Variants in LHFPL6 observed in about 807,000 individuals in gnomAD.
LHFPL6 encodes LHFPL tetraspan subfamily member 6.
A neutral mutation model predicts 20.6 loss-of-function variants in LHFPL6; 9 were observed. That is an observed-to-expected ratio of 0.44 (90% CI 0.26 to 0.76). The LOEUF is 0.76. LHFPL6 is among the 30% of genes least tolerant of loss of function. LHFPL6 has a pLI of 0.20. For missense variants in LHFPL6, 218 were observed against 253.5 expected, an observed-to-expected ratio of 0.86 and a Z score of 0.95; for synonymous variants, 105 against 98.7, an observed-to-expected ratio of 1.06 and a Z score of -0.38.
At chr13:39,461,959 G>C (rs904156028) in intron 2 of LHFPL6, among the ~76,000 whole-genome samples, 1 of 143,212 alleles carries the variant, frequency 7.0e-6, no homozygotes, top group African/African-American at 2.8e-5. Flanking sequence ...AAGTAGACTA[G>C]GATTCACTTT....
chr13:39,451,269 C>A (rs1187299981), intron 2 of LHFPL6, among the ~76,000 whole-genome samples: 1 of 152,072 alleles, frequency 6.6e-6, no homozygotes, highest in Non-Finnish European at 1.5e-5. Flanking sequence ...CTGTTAAAAA[C>A]AAGAAAACCT....
intron 2 of LHFPL6, among the ~76,000 whole-genome samples, chr13:39,419,688 T>A (rs1385414165): frequency 6.6e-6 from 1 of 152,166 alleles, no homozygotes; most frequent in East Asian, 1.9e-4. Flanking sequence ...GATGAAGAAA[T>A]TTTTTTAAAA....
At chr13:39,600,264 G>A (rs1331642635) in intron 2 of LHFPL6, among the ~76,000 whole-genome samples, 1 of 152,178 alleles carries the variant, frequency 6.6e-6, no homozygotes, top group South Asian at 2.1e-4. Flanking sequence ...TAAGTGGATA[G>A]CTATCTCTGT....
chr13:39,511,293 T>C (rs1185207968), intron 2 of LHFPL6, among the ~76,000 whole-genome samples: 4 of 152,212 alleles, frequency 2.6e-5, no homozygotes, highest in Admixed American at 1.3e-4. Flanking sequence ...TCAAATTTGT[T>C]TATTTCTTAA....
In LHFPL6 at chr13:39,448,437, G is replaced by A. The variant is rs1369708080; in HGVS notation, c.386-69911C>T. ...GGATTCTTTAAAGAGGCGGGAACAA[G>A]GTTATCTAAAGAATCTAGCACATTG... On this transcript the variant is annotated intron_variant, in intron 2 of 3. Transcript: ENST00000379589. Among the ~76,000 whole-genome samples, 3 of 152,108 alleles carry A rather than the reference G, an allele frequency of 2.0e-5. No homozygotes were observed. The East Asian group carries it at 5.8e-4, about 29-fold the overall frequency.
At chr13:39,527,825 C>T (rs1870343318) in intron 2 of LHFPL6, among the ~76,000 whole-genome samples, 1 of 152,160 alleles carries the variant, frequency 6.6e-6, no homozygotes, top group South Asian at 2.1e-4. Context: ...AACTTTTCTG[C>T]ATATGCCAGG....
At chr13:39,422,586 CAAA>C (rs11311637) in intron 2 of LHFPL6, among the ~76,000 whole-genome samples, 6 of 118,800 alleles carry the variant, frequency 5.1e-5, no homozygotes, top group African/African-American at 1.0e-4. Flanking sequence ...AACTCCAACT[CAAA>C]AAAAAAAAAA....
chr13:39,473,680 T>C (rs988399207), intron 2 of LHFPL6, among the ~76,000 whole-genome samples: 1 of 152,294 alleles, frequency 6.6e-6, no homozygotes, highest in East Asian at 1.9e-4. Context: ...CCTACCTGAG[T>C]CACTTTATGT....
chr13:39,455,232 C>T (rs936207258), intron 2 of LHFPL6, among the ~76,000 whole-genome samples: 9 of 152,180 alleles, frequency 5.9e-5, no homozygotes, highest in African/African-American at 2.2e-4. Context: ...ATGTTCTGGG[C>T]GCCCAGAGCA....
At position 39,369,606 on chromosome 13, in the gene LHFPL6, T is replaced by TCCCTCCTTCCTTCCTTCCTTCCTTCCTTC. The variant is rs1566095692; in HGVS notation, c.484+8821_484+8822insGAAGGAAGGAAGGAAGGAAGGAAGGAGGG. The stretch of plus-strand genomic sequence containing the variant: ...TCCTTCCTTCCTTCCTTCCTCCCTC[T>TCCCTCCTTCCTTCCTTCCTTCCTTCCTTC]CTCCCTCCCTTCCTTCCCCCTTTCC... On this transcript the variant is annotated intron_variant, in intron 3 of 3. Transcript: ENST00000379589. Among the ~76,000 whole-genome samples, 8 of 4,258 alleles carry TCCCTCCTTCCTTCCTTCCTTCCTTCCTTC rather than the reference T, an allele frequency of 1.9e-3. No individual in the cohort carries two copies. In the East Asian group the frequency reaches 0.039, roughly 21 times the overall value. The allele number at this position is 4,258 out of a possible 152,430, so 2.8% of individuals were successfully genotyped here.
At chr13:39,428,087 T>C (rs1871690851) in intron 2 of LHFPL6, among the ~76,000 whole-genome samples, 1 of 152,190 alleles carries the variant, frequency 6.6e-6, no homozygotes, top group Non-Finnish European at 1.5e-5. Context: ...ACTTGGCTCA[T>C]TGGAACTATA....
At chr13:39,460,871 C>T (rs556769403) in intron 2 of LHFPL6, among the ~76,000 whole-genome samples, 1 of 152,074 alleles carries the variant, frequency 6.6e-6, no homozygotes, top group South Asian at 2.1e-4. Context: ...GGTGCATGTG[C>T]AGGTTTGTTA....
intron 2 of LHFPL6, among the ~76,000 whole-genome samples, chr13:39,438,396 T>C (rs1365984465): frequency 6.6e-6 from 1 of 152,216 alleles, no homozygotes; most frequent in Non-Finnish European, 1.5e-5. Context: ...GGAACTTATA[T>C]TTAAAAGGGA....
At chr13:39,469,282 G>C (rs1872884847) in intron 2 of LHFPL6, among the ~76,000 whole-genome samples, 1 of 152,160 alleles carries the variant, frequency 6.6e-6, no homozygotes, top group Non-Finnish European at 1.5e-5. Context: ...CTGAGATTGG[G>C]ATTCTTGTGG....
intron 2 of LHFPL6, among the ~76,000 whole-genome samples, chr13:39,467,485 C>G (rs1037489763): frequency 6.6e-6 from 1 of 152,094 alleles, no homozygotes; most frequent in Non-Finnish European, 1.5e-5. Flanking sequence ...AAAGAAGCAG[C>G]CTCAAGGTCT....
intron 2 of LHFPL6, among the ~76,000 whole-genome samples, chr13:39,589,709 C>T (rs891119983): frequency 4.6e-5 from 7 of 152,080 alleles, no homozygotes; most frequent in Admixed American, 1.3e-4. Context: ...TATCATTAAC[C>T]TTAATAAAGG....
rs200931835 is a variant in LHFPL6 at position 39,600,999 on chromosome 13, G to A, written c.218C>T (p.Ser73Phe). 446 of 1,614,036 alleles carry A rather than the reference G, an allele frequency of 2.8e-4. 4 individuals are homozygous for A. In the South Asian group the frequency reaches 3.7e-3, roughly 14 times the overall value. Residue 73 changes from serine to phenylalanine, a missense_variant, in exon 2 of 4, where the codon TCC (serine) becomes TTC (phenylalanine). By Grantham distance (155) the Ser-to-Phe change is radical. Transcript: ENST00000379589. ...VMVEECGRYA[S>F]FQGIPSAEWR... ...TTCTGCGCTGGGGATGCCCTGGAAG[G>A]AGGCATAGCGCCCACATTCCTCCAC... is the stretch of plus-strand genomic sequence containing the variant.
intron 2 of LHFPL6, among the ~76,000 whole-genome samples, chr13:39,380,510 G>GT (rs56370946): frequency 0.14 from 18,693 of 133,480 alleles, 1,455 homozygotes; most frequent in East Asian, 0.26. Flanking sequence ...GGTGGCATCA[G>GT]TTTTTTTTTT....
intron 2 of LHFPL6, among the ~76,000 whole-genome samples, chr13:39,413,254 A>G (rs1332725769): frequency 2.0e-5 from 3 of 152,198 alleles, no homozygotes; most frequent in African/African-American, 2.4e-5. Context: ...AATTTAACAT[A>G]CTTGTATTAT....
Sources: allele counts gnomAD v4.1 joint callset (sites outside exome capture counted in the v4.1 genomes callset), GRCh38; gene constraint gnomAD v4.1.1; transcripts MANE v1.5; gene names NCBI Gene and HGNC (gene_info 2026-07-23, HGNC 2026-07-21).